The following PRH1 variants were observed in gnomAD, a reference collection of about 807,000 sequenced individuals.
The protein encoded by PRH1 is proline rich protein HaeIII subfamily 1.
In PRH1, 7 loss-of-function variants were observed where a neutral mutation model predicts 7.9. The observed-to-expected ratio is 0.89, with a 90% CI of 0.50 to 1.67. The LOEUF (loss-of-function observed/expected upper bound fraction) is 1.67. Among genes scored for constraint, PRH1 ranks in the 40% most tolerant of loss-of-function variants. PRH1 has a pLI of 0.00. For synonymous variants in PRH1, 45 were observed against 80.8 expected, an observed-to-expected ratio of 0.56 and a Z score of 2.38; for missense variants, 109 against 223.6, an observed-to-expected ratio of 0.49 and a Z score of 3.27.
chr12:11,019,806 A>G (rs1941502426), intron 1 of PRH1, among the ~76,000 whole-genome samples: 2 of 152,288 alleles, frequency 1.3e-5, no homozygotes, highest in African/African-American at 4.8e-5. Context: ...CTGAAGGAGA[A>G]AGAGACGTTC....
chr12:10,905,214 A>AT (rs113928687), intron 2 of PRH1, among the ~76,000 whole-genome samples: 1,703 of 144,408 alleles, frequency 0.012, 32 homozygotes, highest in African/African-American at 0.035. Context: ...GGTCTAATCC[A>AT]TTTTTTTTTT....
chr12:10,965,302 A>C, intron 2 of PRH1: 2 of 1,363,762 alleles, frequency 1.5e-6, no homozygotes, highest in Non-Finnish European at 2.0e-6. Flanking sequence ...TCCCAAGAAC[A>C]AATGTAACCA....
intron 1 of PRH1, among the ~76,000 whole-genome samples, chr12:11,073,615 C>G (rs1417197514): frequency 6.6e-6 from 1 of 151,856 alleles, no homozygotes; most frequent in Non-Finnish European, 1.5e-5. Flanking sequence ...ACCTACCTAG[C>G]CTCTGCCAAA....
chr12:11,015,719 G>A (rs1941263088), intron 1 of PRH1, among the ~76,000 whole-genome samples: 1 of 152,170 alleles, frequency 6.6e-6, no homozygotes, highest in South Asian at 2.1e-4. Context: ...TAGGAGGTAT[G>A]TAGTACAGTG....
At chr12:10,930,639 T>C in intron 2 of PRH1, 1 of 1,613,154 alleles carries the variant, frequency 6.2e-7, no homozygotes, top group African/African-American at 1.3e-5. Context: ...TGAGCTCAGC[T>C]CTTCTTGTTT....
intron 1 of PRH1, among the ~76,000 whole-genome samples, chr12:10,999,898 G>C (rs1441309863): frequency 6.6e-6 from 1 of 152,012 alleles, no homozygotes. Flanking sequence ...ATGTACATGT[G>C]ATTCATTTCT....
In PRH1 at chr12:11,094,563, G is replaced by A. The variant is rs1475410572; in HGVS notation, n.124-47375C>T. On this transcript the variant is annotated intron_variant and non_coding_transcript_variant, in intron 1 of 4. Coordinates refer to the PRH1 transcript ENST00000541977. ...AGAAATCCTTTGGAAAGATCTGGGG[G>A]TGGCAGATAACATCATCTCAAATTT... Among the ~76,000 whole-genome samples the A allele has an allele frequency of 1.7e-5, 2 of 114,526 alleles. 1 individual carries two copies. Among genetic ancestry groups the A allele is most frequent in the Non-Finnish European group, 4.1e-5 (2 of 48,600 alleles). The allele number at this position is 114,526 out of a possible 152,430, so 75.1% of individuals were successfully genotyped here. A position where few individuals can be genotyped will look rare whatever the true frequency, so the allele number is the denominator to read the frequency against.
intron 1 of PRH1, among the ~76,000 whole-genome samples, chr12:11,156,620 T>C (rs976290896): frequency 1.3e-5 from 2 of 152,202 alleles, no homozygotes; most frequent in Non-Finnish European, 2.9e-5. Context: ...GATTGTTAAA[T>C]CTAATTGATT....
intron 1 of PRH1, among the ~76,000 whole-genome samples, chr12:11,123,928 C>G (rs2597934): frequency 0.46 from 69,182 of 151,994 alleles, 16,545 homozygotes; most frequent in Non-Finnish European, 0.52. Context: ...AATCTTAACG[C>G]CATGTTCTTT....
chr12:10,961,440 C>G (rs994105345), intron 2 of PRH1, among the ~76,000 whole-genome samples: 9 of 151,002 alleles, frequency 6.0e-5, no homozygotes, highest in Non-Finnish European at 8.8e-5. Context: ...ATGAGCGCCT[C>G]TAAGCACAAG....
intron 1 of PRH1, among the ~76,000 whole-genome samples, chr12:11,102,131 G>A (rs1945274638): frequency 6.6e-6 from 1 of 152,108 alleles, no homozygotes; most frequent in Non-Finnish European, 1.5e-5. Context: ...GTAATTTATA[G>A]ATTCAATGCC....
chr12:11,156,612 T>C (rs1264716296), intron 1 of PRH1, among the ~76,000 whole-genome samples: 2 of 152,324 alleles, frequency 1.3e-5, no homozygotes, highest in East Asian at 3.9e-4. Context: ...TTCTAACTGA[T>C]TGTTAAATCT....
At chr12:11,109,388 C>G (rs1945523171) in intron 1 of PRH1, among the ~76,000 whole-genome samples, 1 of 152,150 alleles carries the variant, frequency 6.6e-6, no homozygotes, top group African/African-American at 2.4e-5. Context: ...CATCTCCCAG[C>G]AATGGTGGAC....
intron 1 of PRH1, among the ~76,000 whole-genome samples, chr12:11,002,618 G>T (rs549779299): frequency 6.6e-6 from 1 of 152,016 alleles, no homozygotes; most frequent in Non-Finnish European, 1.5e-5. Context: ...TCATTAGCAG[G>T]CAAAATTCTC....
chr12:11,169,981 TG>T (rs1947765711), intron 1 of PRH1, among the ~76,000 whole-genome samples: 1 of 152,230 alleles, frequency 6.6e-6, no homozygotes, highest in South Asian at 2.1e-4. Flanking sequence ...ACCGTACTTG[TG>T]CTCTGAATAG....
In PRH1 at chr12:10,965,988, A is replaced by G. The variant is rs149367090; in HGVS notation, c.-59+7667T>C. On this transcript the variant is annotated intron_variant, in intron 2 of 3. Transcript: ENST00000539853. ...ACTTTTGTATGACATTAGTGTTAAC[A>G]AGCTCATAAAACATACACACATAGA... Among the ~76,000 whole-genome samples the G allele has an allele frequency of 4.6e-3, 706 of 152,310 alleles. 6 individuals carry two copies. The highest frequency in any genetic ancestry group is 0.016 in the African/African-American group (680 of 41,570).
intron 1 of PRH1, among the ~76,000 whole-genome samples, chr12:10,979,186 C>T (rs899634636): frequency 2.1e-4 from 32 of 152,298 alleles, no homozygotes; most frequent in African/African-American, 7.7e-4. Context: ...ATAATCTATA[C>T]AGCAAGTTCC....
chr12:10,973,997 A>G (rs935094747), intron 1 of PRH1, among the ~76,000 whole-genome samples: 6 of 152,214 alleles, frequency 3.9e-5, no homozygotes, highest in Non-Finnish European at 7.3e-5. Context: ...ACAGTTTCTC[A>G]TTTCAAAGTT....
intron 2 of PRH1, among the ~76,000 whole-genome samples, chr12:10,953,975 AG>A (rs1937821659): frequency 6.6e-6 from 1 of 152,212 alleles, no homozygotes; most frequent in African/African-American, 2.4e-5. Flanking sequence ...TTTTTGAAAA[AG>A]AATGTCCGAC....
Sources: allele counts gnomAD v4.1 joint callset (sites outside exome capture counted in the v4.1 genomes callset), GRCh38; gene constraint gnomAD v4.1.1; transcripts MANE v1.5; gene names NCBI Gene and HGNC (gene_info 2026-07-23, HGNC 2026-07-21).